GALNT17: variants seen among roughly 807,000 people sequenced by gnomAD.
GALNT17 encodes UDP-GalNAc:polypeptide N-acetylgalactosaminyltransferase-like 3.
Under a neutral mutation model 63.7 loss-of-function variants are expected in GALNT17, and 29 were observed. That is an observed-to-expected ratio of 0.46 (90% CI 0.34 to 0.62). GALNT17 has a LOEUF of 0.62. Ranked by LOEUF, GALNT17 falls within the 20% of genes least tolerant of loss-of-function variation. The pLI, the probability that GALNT17 is intolerant of heterozygous loss-of-function variation, is 0.01. For missense variants in GALNT17, 603 were observed against 799.6 expected, an observed-to-expected ratio of 0.75 and a Z score of 2.97; for synonymous variants, 305 against 318.3, an observed-to-expected ratio of 0.96 and a Z score of 0.45.
intron 5 of GALNT17, among the ~76,000 whole-genome samples, chr7:71,515,116 A>C (rs945732862): frequency 3.9e-5 from 6 of 152,154 alleles, no homozygotes; most frequent in Admixed American, 3.3e-4. Flanking sequence ...GAGTCCGTTA[A>C]ACCTCTTTTT....
chr7:71,618,516 A>T (rs1024218226), intron 6 of GALNT17, among the ~76,000 whole-genome samples: 2 of 152,054 alleles, frequency 1.3e-5, no homozygotes, highest in African/African-American at 4.8e-5. Context: ...TCTGACTGGT[A>T]TGAGATGGTA....
intron 1 of GALNT17, among the ~76,000 whole-genome samples, chr7:71,145,174 G>A (rs772156986): frequency 6.6e-6 from 1 of 152,166 alleles, no homozygotes; most frequent in Non-Finnish European, 1.5e-5. Flanking sequence ...CAGGCCAGCC[G>A]ATGTCAGCAG....
intron 6 of GALNT17, among the ~76,000 whole-genome samples, chr7:71,586,009 CA>C (rs1789712248): frequency 6.6e-6 from 1 of 150,766 alleles, no homozygotes; most frequent in Non-Finnish European, 1.5e-5. Context: ...CTCCCAGGTT[CA>C]AGCAATTCTG....
At chr7:71,508,908 G>C (rs117832399) in intron 5 of GALNT17, among the ~76,000 whole-genome samples, 2 of 152,108 alleles carry the variant, frequency 1.3e-5, no homozygotes, top group Non-Finnish European at 2.9e-5. Context: ...GTTCTTGTGC[G>C]TGCGCTCGTG....
chr7:71,505,539 G>A (rs577004191), intron 5 of GALNT17, among the ~76,000 whole-genome samples: 45 of 152,278 alleles, frequency 3.0e-4, no homozygotes, highest in African/African-American at 1.1e-3. Context: ...GTTCAGGGCT[G>A]CAGTGAGCCA....
intron 5 of GALNT17, among the ~76,000 whole-genome samples, chr7:71,536,398 A>T (rs1788803053): frequency 6.6e-6 from 1 of 152,174 alleles, no homozygotes; most frequent in African/African-American, 2.4e-5. Context: ...GGAGCTCTGT[A>T]TTAGTCCATT....
At chr7:71,659,727 T>C (rs1346891187) in intron 6 of GALNT17, among the ~76,000 whole-genome samples, 4 of 152,366 alleles carry the variant, frequency 2.6e-5, no homozygotes, top group African/African-American at 7.2e-5. Flanking sequence ...ATAAGTCACA[T>C]TGCCAAGGAG....
intron 1 of GALNT17, among the ~76,000 whole-genome samples, chr7:71,231,534 A>G (rs1486723482): frequency 6.6e-6 from 1 of 152,152 alleles, no homozygotes; most frequent in Non-Finnish European, 1.5e-5. Context: ...TGAGTGGCTT[A>G]AACGACAGAC....
In GALNT17 at chr7:71,554,787, C is replaced by T. The variant is rs77027139; in HGVS notation, c.963-16498C>T. ...GAGCAGTAGGGTGAGGCTGAAACTC[C>T]CCCAGGAGAGACCTTCTCTTATGTC... On this transcript the variant is annotated intron_variant, in intron 5 of 10. Coordinates refer to ENST00000333538, the MANE Select transcript of GALNT17 (RefSeq NM_022479.3). Among the ~76,000 whole-genome samples, 976 of 152,340 alleles carry T rather than the reference C, an allele frequency of 6.4e-3. 14 individuals are homozygous for T. The highest frequency in any genetic ancestry group is 0.023 in the African/African-American group (944 of 41,590).
rs114751284 is a variant in GALNT17 at position 71,295,304 on chromosome 7, T to G, written c.239-40246T>G. 8.3e-3 allele frequency among the ~76,000 whole-genome samples: 1,271 copies of G among 152,288 alleles called. 16 individuals carry two copies. Among genetic ancestry groups the G allele is most frequent in the African/African-American group, 0.028 (1,182 of 41,562 alleles). ...CTAGAACATTTTCCCTGTACTTCAC[T>G]AGGCAGCTATCTATTCCATTGCTTG... On this transcript the variant is annotated intron_variant, in intron 1 of 10. Transcript: ENST00000333538.
intron 5 of GALNT17, among the ~76,000 whole-genome samples, chr7:71,456,858 A>G (rs1055857375): frequency 5.1e-4 from 78 of 152,134 alleles, no homozygotes; most frequent in Non-Finnish European, 1.1e-3. Flanking sequence ...TTACTTTTAT[A>G]CATTTTAGGG....
chr7:71,565,659 T>G (rs10270843), intron 5 of GALNT17, among the ~76,000 whole-genome samples: 1 of 151,722 alleles, frequency 6.6e-6, no homozygotes, highest in South Asian at 2.1e-4. Context: ...GGAAATACCA[T>G]GAGAAATGAC....
At chr7:71,456,291 C>T (rs1183821240) in intron 5 of GALNT17, among the ~76,000 whole-genome samples, 1 of 152,044 alleles carries the variant, frequency 6.6e-6, no homozygotes, top group South Asian at 2.1e-4. Flanking sequence ...ATGCCAGTGA[C>T]CTGACCGCCA....
chr7:71,226,084 T>C (rs1261857540), intron 1 of GALNT17, among the ~76,000 whole-genome samples: 4 of 152,180 alleles, frequency 2.6e-5, no homozygotes, highest in African/African-American at 9.7e-5. Context: ...AGCTATATGG[T>C]TTATGAGCAA....
At chr7:71,499,786 C>T (rs1281735079) in intron 5 of GALNT17, among the ~76,000 whole-genome samples, 2 of 152,138 alleles carry the variant, frequency 1.3e-5, no homozygotes, top group South Asian at 2.1e-4. Context: ...TTGGCTGTGT[C>T]CCCCCACAAA....
At position 71,335,639 on chromosome 7, in the gene GALNT17, A is replaced by G. The variant is rs1279563563; in HGVS notation, c.328A>G (p.Lys110Glu). 1.2e-6 allele frequency: 2 copies of G among 1,613,200 alleles called. No homozygotes were observed. The highest frequency in any genetic ancestry group is 1.7e-6 in the Non-Finnish European group (2 of 1,179,528). The change falls in exon 2 of 11, where the codon AAG becomes GAG. Residue 110 changes from lysine to glutamate, a missense_variant. Transcript: ENST00000333538. ...TACTCTTTCCCCGGCTGAAGAAGAA[A>G]AGGCTAAGGGACCCCATGAGAAGTA... is the stretch of plus-strand genomic sequence containing the variant. ...PATLSPAEEE[K>E]AKGPHEKYGY... is the part of the protein sequence containing the mutation.
intron 6 of GALNT17, among the ~76,000 whole-genome samples, chr7:71,582,682 T>A (rs1008025777): frequency 2.6e-5 from 4 of 152,230 alleles, no homozygotes; most frequent in African/African-American, 9.6e-5. Flanking sequence ...TGAATGAGAT[T>A]GGAGACTATT....
chr7:71,527,035 C>A (rs1788635823), intron 5 of GALNT17, among the ~76,000 whole-genome samples: 1 of 152,124 alleles, frequency 6.6e-6, no homozygotes, highest in African/African-American at 2.4e-5. Context: ...CTCTTGAATT[C>A]TTTTTTAGAA....
intron 1 of GALNT17, among the ~76,000 whole-genome samples, chr7:71,208,180 G>A (rs1251401102): frequency 6.6e-6 from 1 of 151,980 alleles, no homozygotes; most frequent in East Asian, 1.9e-4. Flanking sequence ...TAAGCGATCT[G>A]CCTGGCTTGG....
Sources: allele counts gnomAD v4.1 joint callset (sites outside exome capture counted in the v4.1 genomes callset), GRCh38; gene constraint gnomAD v4.1.1; transcripts MANE v1.5; gene names NCBI Gene and HGNC (gene_info 2026-07-23, HGNC 2026-07-21).